The following SHISA7 variants were observed in gnomAD, a reference collection of about 807,000 sequenced individuals.
The protein encoded by SHISA7 is protein shisa-7.
A neutral mutation model predicts 23.9 loss-of-function variants in SHISA7; 6 were observed. That is an observed-to-expected ratio of 0.25 (90% CI 0.14 to 0.50). SHISA7 has a LOEUF of 0.50. Ranked by LOEUF, SHISA7 falls within the 20% of genes least tolerant of loss-of-function variation. The pLI, the probability that SHISA7 is intolerant of heterozygous loss-of-function variation, is 0.98. For synonymous variants in SHISA7, 386 were observed against 398.3 expected (o/e 0.97, Z 0.37); for missense variants, 671 against 801.1 (o/e 0.84, Z 1.96).
At chr19:55,434,317 TGTGTGTG>T (rs900983402) in intron 3 of SHISA7, among the ~76,000 whole-genome samples, 28 of 81,820 alleles carry the variant, frequency 3.4e-4, no homozygotes, top group Non-Finnish European at 5.6e-4. Context: ...GTGTGGTGTG[TGTGTGTG>T]GTGTGTGGTG....
intron 1 of SHISA7, 82 bp downstream of exon 1, chr19:55,442,111 G>A: frequency 7.4e-7 from 1 of 1,349,106 alleles, no homozygotes; most frequent in African/African-American, 1.5e-5. Flanking sequence ...TATCCCTGCA[G>A]CCCCTCCTCC....
At chr19:55,434,424 G>C (rs541901572) in intron 3 of SHISA7, among the ~76,000 whole-genome samples, 2,188 of 135,016 alleles carry the variant, frequency 0.016, 22 homozygotes, top group Non-Finnish European at 0.028. Flanking sequence ...GTGTGTGTAT[G>C]GTGTGTGTGT....
At chr19:55,436,203 C>T (rs1985455209) in intron 3 of SHISA7, among the ~76,000 whole-genome samples, 1 of 151,544 alleles carries the variant, frequency 6.6e-6, no homozygotes, top group African/African-American at 2.4e-5. Context: ...AGGAGAATCG[C>T]TTGAGCCCAG....
chr19:55,442,104 C>A, intron 1 of SHISA7, 89 bp downstream of exon 1: 1 of 1,294,126 alleles, frequency 7.7e-7, no homozygotes, highest in East Asian at 3.0e-5. Flanking sequence ...CACGCCCTAT[C>A]CCTGCAGCCC....
rs1173308930 is a variant in SHISA7, at chr19:55,442,945, C to T, written c.-82G>A. The T allele has an allele frequency of 3.7e-6, 3 of 803,882 alleles. No individual in the cohort carries two copies. Among genetic ancestry groups the T allele is most frequent in the East Asian group, 1.5e-4 (1 of 6,602 alleles). The allele number at this position is 803,882 out of a possible 1,614,324, so 49.8% of individuals were successfully genotyped here. A position where few individuals can be genotyped will look rare whatever the true frequency, so the allele number is the denominator to read the frequency against. On this transcript the variant is annotated 5_prime_UTR_variant, in exon 1 of 4. Coordinates refer to ENST00000376325, the MANE Select transcript of SHISA7 (RefSeq NM_001145176.2). ...GTTGGAGCGCTGGGCGGGAGAGAAA[C>T]GGTCAGAGGGTGAGAAACGTAGAGA...
At position 55,433,304 on chromosome 19, in the gene SHISA7, C is replaced by A; in HGVS notation, c.1469G>T (p.Trp490Leu). 1 of 1,494,866 alleles carries A rather than the reference C, an allele frequency of 6.7e-7. No individual in the cohort carries two copies. The highest frequency in any genetic ancestry group is 1.3e-5 in the South Asian group (1 of 78,776). The allele number at this position is 1,494,866 out of a possible 1,614,324, so 92.6% of individuals were successfully genotyped here. A position where few individuals can be genotyped will look rare whatever the true frequency, so the allele number is the denominator to read the frequency against. The change falls in exon 4 of 4, where the codon TGG becomes TTG. Residue 490 changes from tryptophan (W) to leucine (L), a missense_variant. By Grantham distance (61) the Trp-to-Leu change is moderately conservative. Around this residue, in one of 5 missense-constraint regions of SHISA7, gnomAD observed 457 missense variants for 488.3 expected, o/e 0.94. Transcript: ENST00000376325. The surrounding 1 kb of genome is among the most constrained non-coding windows in gnomAD (Gnocchi z 8.4). ...CCCGCCCCCGCCGGCGTCGGACATC[C>A]AGGCCGGCTGCGGCGAGCCGTGCAG... Reference protein sequence around the residue: ...HALHGSPQPAWMSDAGGGGGT... With the variant: ...HALHGSPQPALMSDAGGGGGT...
intron 2 of SHISA7, chr19:55,438,662 A>G: frequency 2.3e-6 from 3 of 1,299,842 alleles, no homozygotes; most frequent in Non-Finnish European, 3.0e-6. Flanking sequence ...TGTCACTGCC[A>G]TCACTGACTC....
In SHISA7 at chr19:55,429,764, C is replaced by T. The variant is rs1271795799; in HGVS notation, c.*3392G>A. The T allele has an allele frequency of 2.0e-5, 3 of 152,136 alleles. No individual in the cohort carries two copies. The highest frequency in any genetic ancestry group is 4.4e-5 in the Non-Finnish European group (3 of 68,100). 9.4% of individuals were successfully genotyped at this position (152,136 alleles called of 1,614,324 possible). On this transcript the variant is annotated 3_prime_UTR_variant, in exon 4 of 4. Transcript: ENST00000376325. ...GCATTGGGTGCTGGGGACTTCCTGC[C>T]ACCCCCGGAGGCTCCCCGGGTGTTA...
chr19:55,442,596 C>T lies in SHISA7; in HGVS notation c.268G>A (p.Gly90Ser). 1 of 1,455,940 alleles carries T rather than the reference C, an allele frequency of 6.9e-7. No homozygotes were observed. The highest frequency in any genetic ancestry group is 9.1e-7 in the Non-Finnish European group (1 of 1,095,838). The allele number at this position is 1,455,940 out of a possible 1,614,324, so 90.2% of individuals were successfully genotyped here. ...CAGTTGAAGGTGGCGTCGTACTGGC[C>T]CATGACATCGTAGTAGCCGTGGCAG... is the stretch of plus-strand genomic sequence containing the variant. ...ELCHGYYDVM[G>S]QYDATFNCST... is the part of the protein sequence containing the mutation. The change falls in exon 1 of 4, where the codon GGC becomes AGC. Residue 90 changes from glycine (G) to serine (S), a missense_variant. Transcript: ENST00000376325.
Position 55,437,675 on chromosome 19 carries a change from C to G in SHISA7, c.906G>C (p.Ser302=). The G allele has an allele frequency of 1.9e-6, 3 of 1,551,520 alleles. No individual in the cohort carries two copies. The highest frequency in any genetic ancestry group is 2.6e-6 in the Non-Finnish European group (3 of 1,146,946). ...CAGCCTCGTAGGACGGGGGCAGATG[C>G]GAGAGGTTGTGGAAGGACCGAGAGC... ...LSCSRSFHNL[S]HLPPSYEAAV... The change falls in exon 3 of 4, where the codon TCG becomes TCC. Residue 302 remains serine, a synonymous_variant. Transcript: ENST00000376325.
At chr19:55,434,769 GTGGTGTGTGTA>G (rs1230166350) in intron 3 of SHISA7, among the ~76,000 whole-genome samples, 6 of 129,304 alleles carry the variant, frequency 4.6e-5, no homozygotes, top group East Asian at 2.4e-4. Context: ...TGTGTGGTGT[GTGGTGTGTGTA>G]TGGTGTGTGT....
Position 55,440,594 on chromosome 19 carries a change from T to A in SHISA7, c.826+17A>T. On this transcript the variant is annotated intron_variant, in intron 2 of 3. Coordinates refer to ENST00000376325, the MANE Select transcript of SHISA7 (RefSeq NM_001145176.2). ...GGCCAGAGACGGAGGCTGCGCCGGATCCCACGTTCCACTCACCGAGGTTGG... is the reference window on the plus strand; with the variant it reads ...GGCCAGAGACGGAGGCTGCGCCGGAACCCACGTTCCACTCACCGAGGTTGG... 1 of 1,249,498 alleles carries A rather than the reference T, an allele frequency of 8.0e-7. No individual in the cohort carries two copies. The highest frequency in any genetic ancestry group is 1.0e-6 in the Non-Finnish European group (1 of 988,116). 77.4% of individuals were successfully genotyped at this position (1,249,498 alleles called of 1,614,324 possible).
chr19:55,435,766 TAAA>T (rs771028711), intron 3 of SHISA7, among the ~76,000 whole-genome samples: 6 of 130,432 alleles, frequency 4.6e-5, no homozygotes, highest in South Asian at 2.4e-4. Flanking sequence ...CTTGTCTCGT[TAAA>T]AAAAAAAAAA....
intron 3 of SHISA7, among the ~76,000 whole-genome samples, chr19:55,436,235 C>T (rs1393428170): frequency 1.3e-5 from 2 of 151,106 alleles, no homozygotes; most frequent in Admixed American, 6.6e-5. Flanking sequence ...TGCAGTGAGC[C>T]GAGATGGTGC....
intron 3 of SHISA7, among the ~76,000 whole-genome samples, chr19:55,436,885 C>T (rs1985474522): frequency 6.6e-6 from 1 of 152,188 alleles, no homozygotes; most frequent in African/African-American, 2.4e-5. Context: ...ACATCCCAGC[C>T]TGGGTGACAG....
Position 55,429,190 on chromosome 19 carries a change from G to A in SHISA7, c.*3966C>T, listed in dbSNP as rs1267259719. 6.6e-6 allele frequency: 1 copy of A among 152,350 alleles called. No individual in the cohort carries two copies. The highest frequency in any genetic ancestry group is 1.5e-5 in the Non-Finnish European group (1 of 68,164). 9.4% of individuals were successfully genotyped at this position (152,350 alleles called of 1,614,324 possible). A position where few individuals can be genotyped will look rare whatever the true frequency, so the allele number is the denominator to read the frequency against. On this transcript the variant is annotated 3_prime_UTR_variant, in exon 4 of 4. Coordinates refer to ENST00000376325, the MANE Select transcript of SHISA7 (RefSeq NM_001145176.2). ...CCAACTGAATAGGGACAGGGCTAGG[G>A]GTGGGATCCCTGGAATCCAGGCTGG...
intron 2 of SHISA7, among the ~76,000 whole-genome samples, chr19:55,440,132 A>G (rs1985562505): frequency 6.6e-6 from 1 of 152,110 alleles, no homozygotes; most frequent in African/African-American, 2.4e-5. Flanking sequence ...TTTGCTCTTC[A>G]CCATAACCCC....
rs1377076594 is a variant in SHISA7 at position 55,433,290 on chromosome 19, C to T, written c.1483G>A (p.Gly495Ser). The T allele has an allele frequency of 1.3e-6, 2 of 1,503,520 alleles. No homozygotes were observed. Among genetic ancestry groups the T allele is most frequent in the African/African-American group, 1.5e-5 (1 of 68,866 alleles). The allele number at this position is 1,503,520 out of a possible 1,614,324, so 93.1% of individuals were successfully genotyped here. A position where few individuals can be genotyped will look rare whatever the true frequency, so the allele number is the denominator to read the frequency against. ...SPQPAWMSDA[G>S]GGGGTLARRP... The stretch of plus-strand genomic sequence containing the variant: ...CGGGCCAGTGTGCCCCCGCCCCCGC[C>T]GGCGTCGGACATCCAGGCCGGCTGC... The change falls in exon 4 of 4, where the codon GGC (glycine) becomes AGC (serine). Residue 495 changes from glycine to serine, a missense_variant. Coordinates refer to ENST00000376325, the MANE Select transcript of SHISA7 (RefSeq NM_001145176.2). The surrounding 1 kb of genome is among the most constrained non-coding windows in gnomAD (Gnocchi z 8.4).
chr19:55,433,585 C>G lies in SHISA7; in HGVS notation c.1188G>C (p.Ser396=). Residue 396 remains serine (S), a synonymous_variant, in exon 4 of 4, where the codon TCG becomes TCC. Coordinates refer to ENST00000376325, the MANE Select transcript of SHISA7 (RefSeq NM_001145176.2). This position sits in a 1 kb window ranked among gnomAD's most constrained non-coding sequence, Gnocchi z 8.4. ...QEHLLGDGGR[S]RYEFTLPRAR... The stretch of plus-strand genomic sequence containing the variant: ...CGCGCGGCAGCGTGAACTCGTAGCG[C>G]GAACGGCCACCATCGCCCAGCAGGT... 1.3e-6 allele frequency: 2 copies of G among 1,498,608 alleles called. No individual in the cohort carries two copies. Among genetic ancestry groups the G allele is most frequent in the Non-Finnish European group, 1.8e-6 (2 of 1,130,116 alleles). 92.8% of individuals were successfully genotyped at this position (1,498,608 alleles called of 1,614,324 possible). A position where few individuals can be genotyped will look rare whatever the true frequency, so the allele number is the denominator to read the frequency against.
Sources: gnomAD v4.1 joint callset for allele counts (sites outside exome capture counted in the v4.1 genomes callset) on GRCh38, gnomAD v4.1.1 for gene constraint, gnomAD v4.1.1 regional missense constraint, Gnocchi (gnomAD v3.1) non-coding constraint, MANE v1.5 for transcripts, NCBI Gene and HGNC (gene_info 2026-07-23, HGNC 2026-07-21) for gene names.